The following FAXC variants were observed in gnomAD, a reference collection of about 807,000 sequenced individuals.
FAXC encodes the protein failed axon connections homolog, metaxin like GST domain containing, also known as failed axon connections homolog.
Under a neutral mutation model 41.9 loss-of-function variants are expected in FAXC, and 10 were observed. The observed-to-expected ratio is 0.24, with a 90% CI of 0.15 to 0.41. The LOEUF (loss-of-function observed/expected upper bound fraction) is 0.41. Ranked by LOEUF, FAXC falls within the 10% of genes least tolerant of loss-of-function variation. FAXC has a pLI of 1.00. For missense variants in FAXC, 399 were observed against 510.9 expected (o/e 0.78, Z 2.11); for synonymous variants, 183 against 183.8 (o/e 1.00, Z 0.03).
At position 99,286,651 on chromosome 6, in the gene FAXC, A is replaced by C. The variant is rs565023591; in HGVS notation, c.940+5053T>G. Among the ~76,000 whole-genome samples the C allele has an allele frequency of 3.3e-5, 5 of 152,338 alleles. No homozygotes were observed. In the East Asian group the frequency reaches 9.6e-4, roughly 29 times the overall value. Reference sequence around the variant, plus strand: ...TGGAGGACATGCAGACACGCTGCAGAGCTCTTGACCCATCATGGCTTCAAT... The same window carrying C: ...TGGAGGACATGCAGACACGCTGCAGCGCTCTTGACCCATCATGGCTTCAAT... On this transcript the variant is annotated intron_variant, in intron 5 of 5. Transcript: ENST00000389677.
intron 4 of FAXC, among the ~76,000 whole-genome samples, chr6:99,309,199 A>G (rs1582648017): frequency 2.0e-5 from 3 of 152,132 alleles, no homozygotes; most frequent in African/African-American, 4.8e-5. Flanking sequence ...ACATGATGCT[A>G]TCTTGTAAGG....
chr6:99,310,072 A>G (rs1233037805), intron 4 of FAXC: 1 of 167,200 alleles, frequency 6.0e-6, no homozygotes, highest in Non-Finnish European at 1.2e-5. Context: ...TTAAGACCAG[A>G]GTTACCTTCA....
intron 2 of FAXC, among the ~76,000 whole-genome samples, chr6:99,335,865 C>T (rs1259431570): frequency 2.6e-5 from 4 of 152,060 alleles, no homozygotes; most frequent in Middle Eastern, 3.4e-3. Context: ...TCATGATCAA[C>T]AATTATATTT....
At chr6:99,310,840 T>A (rs777753968) in intron 4 of FAXC, among the ~76,000 whole-genome samples, 3 of 152,086 alleles carry the variant, frequency 2.0e-5, no homozygotes, top group South Asian at 4.1e-4. Context: ...AAGGTATGAG[T>A]GTGTGGCTGC....
chr6:99,341,527 T>C (rs1364886448), intron 2 of FAXC, among the ~76,000 whole-genome samples: 1 of 152,126 alleles, frequency 6.6e-6, no homozygotes, highest in South Asian at 2.1e-4. Flanking sequence ...GGAGGATACA[T>C]ACTAGAAAAA....
At chr6:99,344,397 G>C (rs60325144) in intron 1 of FAXC, among the ~76,000 whole-genome samples, 1 of 151,862 alleles carries the variant, frequency 6.6e-6, no homozygotes, top group Non-Finnish European at 1.5e-5. Context: ...TGGTTCCCTC[G>C]CATTGTTCCC....
intron 3 of FAXC, among the ~76,000 whole-genome samples, chr6:99,327,179 G>A (rs546672169): frequency 6.6e-6 from 1 of 152,306 alleles, no homozygotes; most frequent in South Asian, 2.1e-4. Context: ...GGGAAGAGAA[G>A]TAAATGAGGG....
intron 2 of FAXC, among the ~76,000 whole-genome samples, chr6:99,334,128 G>A (rs894829808): frequency 2.6e-5 from 4 of 152,172 alleles, no homozygotes; most frequent in Non-Finnish European, 2.9e-5. Flanking sequence ...CCCCAGCCTG[G>A]ACTACTGGAT....
intron 2 of FAXC, among the ~76,000 whole-genome samples, chr6:99,334,969 C>T (rs77762345): frequency 2.0e-5 from 3 of 152,146 alleles, no homozygotes; most frequent in African/African-American, 7.2e-5. Context: ...GCACTCTTCA[C>T]CTTTTACAAG....
chr6:99,292,229 A>G (rs1005748456), intron 4 of FAXC, among the ~76,000 whole-genome samples: 1 of 152,222 alleles, frequency 6.6e-6, no homozygotes, highest in Non-Finnish European at 1.5e-5. Context: ...CAGCACTTAC[A>G]TTATTAATTT....
chr6:99,349,306 T>C lies in FAXC; in HGVS notation c.67A>G (p.Ile23Val). Reference sequence around the variant, plus strand: ...CCGGCCCACCAGCCGAAGAAGGAGATGCTCTGGTTCCAGCTCAGATCCACC... The same window carrying C: ...CCGGCCCACCAGCCGAAGAAGGAGACGCTCTGGTTCCAGCTCAGATCCACC... ...CVVDLSWNQS[I>V]SFFGWWAGSE... Residue 23 changes from isoleucine to valine, a missense_variant, in exon 1 of 6, where the codon ATC (isoleucine) becomes GTC (valine). By Grantham distance (29) the Ile-to-Val change is conservative. Transcript: ENST00000389677. The C allele has an allele frequency of 6.2e-7, 1 of 1,613,284 alleles. No individual in the cohort carries two copies. Among genetic ancestry groups the C allele is most frequent in the Non-Finnish European group, 8.5e-7 (1 of 1,179,980 alleles).
At chr6:99,318,298 C>CAAAAA (rs1455877348) in intron 4 of FAXC, among the ~76,000 whole-genome samples, 2 of 137,760 alleles carry the variant, frequency 1.5e-5, no homozygotes, top group East Asian at 2.3e-4. Flanking sequence ...CACACACACA[C>CAAAAA]ACACACACAA....
At position 99,333,360 on chromosome 6, in the gene FAXC, T is replaced by C; in HGVS notation, c.590A>G (p.His197Arg). The change falls in exon 3 of 6, where the codon CAC (histidine) becomes CGC (arginine). Residue 197 changes from histidine to arginine, a missense_variant. Transcript: ENST00000389677. ...CCCAGAGGGGACTCACCAGTAGAAG[T>C]GCTCCTCCACCATCTTGGTCACCGC... is the stretch of plus-strand genomic sequence containing the variant. ...SRAVTKMVEE[H>R]FYWTLAYCQW... 1 of 1,611,160 alleles carries C rather than the reference T, an allele frequency of 6.2e-7. No homozygotes were observed. The highest frequency in any genetic ancestry group is 8.5e-7 in the Non-Finnish European group (1 of 1,179,084).
rs956079588 is a variant in FAXC at position 99,274,589 on chromosome 6, A to G, written c.*6575T>C. 6.6e-6 allele frequency: 1 copy of G among 152,180 alleles called. No individual in the cohort carries two copies. The highest frequency in any genetic ancestry group is 1.9e-4 in the East Asian group (1 of 5,202). The allele number at this position is 152,180 out of a possible 1,614,324, so 9.4% of individuals were successfully genotyped here. A position where few individuals can be genotyped will look rare whatever the true frequency, so the allele number is the denominator to read the frequency against. ...ATTTGGCATGATGTAGATCACTGGGAAAAAAACATGTGTTTACAATAAGCT... is the reference window on the plus strand; with the variant it reads ...ATTTGGCATGATGTAGATCACTGGGGAAAAAACATGTGTTTACAATAAGCT... On this transcript the variant is annotated 3_prime_UTR_variant, in exon 6 of 6. Transcript: ENST00000389677.
chr6:99,324,046 A>G (rs1047765567), intron 3 of FAXC, among the ~76,000 whole-genome samples: 1 of 152,178 alleles, frequency 6.6e-6, no homozygotes, highest in African/African-American at 2.4e-5. Flanking sequence ...GGCACAGGGC[A>G]GGAGGCAGTA....
At chr6:99,295,046 G>T (rs917980145) in intron 4 of FAXC, among the ~76,000 whole-genome samples, 1 of 152,202 alleles carries the variant, frequency 6.6e-6, no homozygotes, top group Non-Finnish European at 1.5e-5. Flanking sequence ...ATATGGAAGA[G>T]CAGGAGGGCT....
chr6:99,283,319 T>C (rs138721781), intron 5 of FAXC, among the ~76,000 whole-genome samples: 2 of 152,378 alleles, frequency 1.3e-5, no homozygotes, highest in African/African-American at 4.8e-5. Context: ...ATTTTTTCTA[T>C]TTACCTATTG....
chr6:99,294,628 G>A, intron 4 of FAXC, among the ~76,000 whole-genome samples: 1 of 152,110 alleles, frequency 6.6e-6, no homozygotes, highest in East Asian at 1.9e-4. Context: ...AAAAAAAGAG[G>A]GGGAGGGGGA....
At chr6:99,313,186 G>A (rs1168886151) in intron 4 of FAXC, among the ~76,000 whole-genome samples, 2 of 152,114 alleles carry the variant, frequency 1.3e-5, no homozygotes, top group Non-Finnish European at 2.9e-5. Flanking sequence ...CCAGCTCCTC[G>A]GGACGATGAG....
Sources: allele counts gnomAD v4.1 joint callset (sites outside exome capture counted in the v4.1 genomes callset), GRCh38; gene constraint gnomAD v4.1.1; transcripts MANE v1.5; gene names NCBI Gene and HGNC (gene_info 2026-07-23, HGNC 2026-07-21).